Variants in DLG2 observed in about 807,000 individuals in gnomAD.
The protein encoded by DLG2 is disks large homolog 2.
A neutral mutation model predicts 132.5 loss-of-function variants in DLG2; 45 were observed. That is an observed-to-expected ratio of 0.34 (90% CI 0.27 to 0.44). The LOEUF (loss-of-function observed/expected upper bound fraction) is 0.44. Among genes scored for constraint, DLG2 ranks in the 20% least tolerant of loss-of-function variants. The probability of loss-of-function intolerance (pLI) is 1.00; values close to 1 mark genes in which losing one functional copy is unlikely to be tolerated. For missense variants in DLG2, 1,045 were observed against 1,196.9 expected (o/e 0.87, Z 1.87); for synonymous variants, 424 against 419.6 (o/e 1.01, Z -0.13).
intron 6 of DLG2, among the ~76,000 whole-genome samples, chr11:84,648,625 C>T (rs1379183918): frequency 2.0e-5 from 3 of 152,010 alleles, no homozygotes; most frequent in African/African-American, 7.3e-5. Context: ...TGGGTGCCTT[C>T]CTTTTGGTAA....
At chr11:85,420,425 G>A (rs1163903499) in intron 3 of DLG2, among the ~76,000 whole-genome samples, 12 of 152,150 alleles carry the variant, frequency 7.9e-5, no homozygotes, top group South Asian at 2.1e-4. Context: ...GGACCCACTC[G>A]AGGAGGCAGT....
chr11:84,832,945 A>T (rs2079229097), intron 6 of DLG2, among the ~76,000 whole-genome samples: 1 of 151,630 alleles, frequency 6.6e-6, no homozygotes, highest in Admixed American at 6.6e-5. Context: ...GTGCCAGGGT[A>T]TATCACCTAA....
At chr11:84,156,234 C>A (rs543324214) in intron 9 of DLG2, among the ~76,000 whole-genome samples, 3 of 152,290 alleles carry the variant, frequency 2.0e-5, no homozygotes, top group Admixed American at 2.0e-4. Flanking sequence ...GCTTTCCTGA[C>A]TCCCTGGATT....
chr11:84,834,760 G>A (rs1170355613), intron 6 of DLG2, among the ~76,000 whole-genome samples: 2 of 145,538 alleles, frequency 1.4e-5, no homozygotes, highest in Non-Finnish European at 3.0e-5. Context: ...TGGAGTACTA[G>A]GAAAACACAA....
At position 85,462,069 on chromosome 11, in the gene DLG2, A is replaced by G. The variant is rs541011867; in HGVS notation, c.40+136588T>C. ...GAAAACATGCTCATCATCACTGGCC[A>G]TCAGAGAAATGCAAATCAAAACCAC... On this transcript the variant is annotated intron_variant, in intron 3 of 27. Transcript: ENST00000376104. Among the ~76,000 whole-genome samples the G allele has an allele frequency of 3.9e-5, 6 of 152,370 alleles. No homozygotes were observed. In the East Asian group the frequency reaches 9.6e-4, roughly 24 times the overall value.
chr11:83,554,044 G>A (rs2096461512), intron 19 of DLG2, among the ~76,000 whole-genome samples: 1 of 151,610 alleles, frequency 6.6e-6, no homozygotes, highest in African/African-American at 2.4e-5. Context: ...AACCATGTCG[G>A]GCTAATGTTT....
At chr11:83,926,947 A>C (rs1416547888) in intron 15 of DLG2, among the ~76,000 whole-genome samples, 1 of 152,150 alleles carries the variant, frequency 6.6e-6, no homozygotes, top group Non-Finnish European at 1.5e-5. Context: ...CGAAGAACTG[A>C]CAGGTGCCTA....
intron 3 of DLG2, among the ~76,000 whole-genome samples, chr11:85,514,151 T>G (rs1339823939): frequency 6.6e-6 from 1 of 152,018 alleles, no homozygotes; most frequent in Non-Finnish European, 1.5e-5. Flanking sequence ...TCATTTCCTG[T>G]GTGTGTTTGT....
chr11:84,704,944 A>T (rs953233900), intron 6 of DLG2, among the ~76,000 whole-genome samples: 1 of 149,134 alleles, frequency 6.7e-6, no homozygotes, highest in African/African-American at 2.4e-5. Context: ...TATTATATAT[A>T]TATTTTAAAT....
chr11:84,821,989 GCTA>G (rs1170474885), intron 6 of DLG2, among the ~76,000 whole-genome samples: 1 of 151,730 alleles, frequency 6.6e-6, no homozygotes, highest in African/African-American at 2.4e-5. Flanking sequence ...ACTGCCAAAT[GCTA>G]TTGTTATTTT....
intron 6 of DLG2, among the ~76,000 whole-genome samples, chr11:84,960,659 A>G (rs600125): frequency 0.6 from 90,799 of 151,766 alleles, 29,524 homozygotes; most frequent in East Asian, 0.92. Flanking sequence ...GGTTGGTCTC[A>G]AACTCCTGAG....
intron 18 of DLG2, among the ~76,000 whole-genome samples, chr11:83,663,609 G>C (rs957367558): frequency 4.6e-5 from 7 of 152,182 alleles, no homozygotes; most frequent in African/African-American, 1.7e-4. Flanking sequence ...ATAAATGAAT[G>C]AAAGTTCACT....
Position 83,567,197 on chromosome 11 carries a change from G to A in DLG2, c.1941-25339C>T, listed in dbSNP as rs531234697. On this transcript the variant is annotated intron_variant, in intron 19 of 27. Transcript: ENST00000376104. ...TCAGCATTCTCAACCTCAGAAGGGTGGCACAAGAATGAGTCATATCTAAGC... is the reference window on the plus strand; with the variant it reads ...TCAGCATTCTCAACCTCAGAAGGGTAGCACAAGAATGAGTCATATCTAAGC... 4.6e-5 allele frequency among the ~76,000 whole-genome samples: 7 copies of A among 152,184 alleles called. No homozygotes were observed. The South Asian group carries it at 1.2e-3, about 27-fold the overall frequency.
At chr11:84,171,915 C>T (rs536043210) in intron 8 of DLG2, among the ~76,000 whole-genome samples, 1 of 152,066 alleles carries the variant, frequency 6.6e-6, no homozygotes, top group African/African-American at 2.4e-5. Context: ...AACTAATGTC[C>T]CTTCTCCTAG....
intron 6 of DLG2, among the ~76,000 whole-genome samples, chr11:84,784,230 T>TA (rs2072394955): frequency 7.6e-6 from 1 of 132,066 alleles, no homozygotes; most frequent in African/African-American, 2.9e-5. Context: ...GGCTGAGGCA[T>TA]AATTGCTTGA....
Position 85,517,971 on chromosome 11 carries a change from G to A in DLG2, c.40+80686C>T, listed in dbSNP as rs1037328873. On this transcript the variant is annotated intron_variant, in intron 3 of 27. Transcript: ENST00000376104. Reference sequence around the variant, plus strand: ...TTTCCCTTTGCCTGTCACCATTCACGTAAGATGTGACTTGCTCCTCCTTGC... The same window carrying A: ...TTTCCCTTTGCCTGTCACCATTCACATAAGATGTGACTTGCTCCTCCTTGC... Among the ~76,000 whole-genome samples, 10 of 152,248 alleles carry A rather than the reference G, an allele frequency of 6.6e-5. No homozygotes were observed. In the South Asian group the frequency reaches 8.3e-4, roughly 13 times the overall value.
intron 7 of DLG2, among the ~76,000 whole-genome samples, chr11:84,479,206 T>C (rs572936165): frequency 9.2e-5 from 14 of 152,200 alleles, no homozygotes; most frequent in African/African-American, 3.4e-4. Context: ...AAAACTTGGA[T>C]TGTTCTTGGA....
intron 21 of DLG2, among the ~76,000 whole-genome samples, chr11:83,528,231 G>T (rs1165958930): frequency 3.3e-5 from 5 of 152,150 alleles, no homozygotes; most frequent in Admixed American, 3.3e-4. Context: ...ACACAGAGTG[G>T]ATAGAAATCC....
At chr11:84,781,452 T>A (rs2071757776) in intron 6 of DLG2, among the ~76,000 whole-genome samples, 1 of 151,924 alleles carries the variant, frequency 6.6e-6, no homozygotes, top group African/African-American at 2.4e-5. Flanking sequence ...TTTACTAAGT[T>A]TCTATTCTGT....
Sources: allele counts gnomAD v4.1 joint callset (sites outside exome capture counted in the v4.1 genomes callset), GRCh38; gene constraint gnomAD v4.1.1; transcripts MANE v1.5; gene names NCBI Gene and HGNC (gene_info 2026-07-23, HGNC 2026-07-21).